Variants in LMO7 observed in about 807,000 individuals in gnomAD.
The protein encoded by LMO7 is LIM domain 7, also known as LIM domain only protein 7.
LMO7 carries 120 observed loss-of-function variants against 206.5 expected under a neutral mutation model. That is an observed-to-expected ratio of 0.58 (90% CI 0.50 to 0.68). The LOEUF is 0.68. Ranked by LOEUF, LMO7 falls within the 30% of genes least tolerant of loss-of-function variation. The pLI is 0.00. For synonymous variants in LMO7, 706 were observed against 681.5 expected (o/e 1.04, Z -0.56); for missense variants, 1,959 against 1,957.9 (o/e 1.00, Z -0.01).
intron 1 of LMO7, among the ~76,000 whole-genome samples, chr13:75,663,926 T>A (rs1385627034): frequency 1.3e-5 from 2 of 152,142 alleles, no homozygotes; most frequent in African/African-American, 4.8e-5. Flanking sequence ...TGTGTAATAA[T>A]CACATCAGGG....
At chr13:75,631,372 A>G (rs2034923838), upstream of LMO7, 2 of 152,192 alleles carry the variant, frequency 1.3e-5, no homozygotes, top group African/African-American at 4.8e-5. Flanking sequence ...GAGGAACCAT[A>G]ATTTACTCCA....
At chr13:75,856,463 T>G in intron 29 of LMO7, 43 bp from the exon 30 acceptor site, 66 of 1,249,726 alleles carry the variant, frequency 5.3e-5, no homozygotes, top group Non-Finnish European at 6.7e-5. Flanking sequence ...CAAGCTTTCT[T>G]GAGCTGACTG....
At chr13:75,780,577 T>C (rs1325070419) in intron 4 of LMO7, among the ~76,000 whole-genome samples, 2 of 152,144 alleles carry the variant, frequency 1.3e-5, no homozygotes, top group Non-Finnish European at 2.9e-5. Context: ...CTACAATTTG[T>C]GCAGATAACA....
At chr13:75,767,862 T>C (rs938563712) in intron 4 of LMO7, among the ~76,000 whole-genome samples, 1 of 152,076 alleles carries the variant, frequency 6.6e-6, no homozygotes, top group African/African-American at 2.4e-5. Context: ...AGATTACTTT[T>C]CCTCCCTGTA....
chr13:75,785,265 C>A (rs550169680), intron 4 of LMO7, among the ~76,000 whole-genome samples: 4 of 152,154 alleles, frequency 2.6e-5, no homozygotes, highest in Non-Finnish European at 1.5e-5. Flanking sequence ...TTTGTGATTA[C>A]CCTCATACTA....
rs112711441 is a variant in LMO7, at chr13:75,723,382, G to C, written c.141-3647G>C. On this transcript the variant is annotated intron_variant, in intron 2 of 30. Coordinates refer to ENST00000377534, the MANE Select transcript of LMO7 (RefSeq NM_001306080.2). The stretch of plus-strand genomic sequence containing the variant: ...TGACTAATAAATCACAGGTTAAAAA[G>C]TTCATTCAGTGTATTGATATGTTGT... 3.4e-3 allele frequency among the ~76,000 whole-genome samples: 513 copies of C among 152,022 alleles called. 4 individuals carry two copies. The highest frequency in any genetic ancestry group is 0.012 in the African/African-American group (491 of 41,438).
At position 75,819,653 on chromosome 13, in the gene LMO7, A is replaced by C. The variant is rs988889440; in HGVS notation, c.2207+118A>C. The C allele has an allele frequency of 5.9e-6, 6 of 1,020,122 alleles. No homozygotes were observed. In the African/African-American group the frequency reaches 8.2e-5, roughly 14 times the overall value. The allele number at this position is 1,020,122 out of a possible 1,614,324, so 63.2% of individuals were successfully genotyped here. On this transcript the variant is annotated intron_variant, in intron 13 of 30. Transcript: ENST00000377534. ...TCCACCAATATTCAACTTTAGTCAA[A>C]TATGCAAAGAAACGTTTAAGATTTT...
At chr13:75,639,310 C>G (rs1222935349) in intron 1 of LMO7, among the ~76,000 whole-genome samples, 2 of 152,126 alleles carry the variant, frequency 1.3e-5, no homozygotes, top group Non-Finnish European at 2.9e-5. Context: ...TACTTATATA[C>G]TTGAGTATAT....
chr13:75,782,716 C>T (rs1391256960), intron 4 of LMO7, among the ~76,000 whole-genome samples: 1 of 152,208 alleles, frequency 6.6e-6, no homozygotes, highest in South Asian at 2.1e-4. Context: ...TCTGTCTCTT[C>T]TAGGGATAGC....
At chr13:75,818,780 C>G (rs2057304912) in intron 12 of LMO7, among the ~76,000 whole-genome samples, 1 of 152,140 alleles carries the variant, frequency 6.6e-6, no homozygotes, top group Admixed American at 6.5e-5. Context: ...CCATGGTCTT[C>G]TTAGGACCCC....
intron 3 of LMO7, among the ~76,000 whole-genome samples, chr13:75,743,026 G>GA (rs1205781617): frequency 1.3e-5 from 2 of 151,546 alleles, no homozygotes; most frequent in Non-Finnish European, 3.0e-5. Flanking sequence ...AAATGTACAA[G>GA]AAAAAACAAC....
At chr13:75,647,316 C>G (rs2037118676) in intron 1 of LMO7, among the ~76,000 whole-genome samples, 1 of 152,146 alleles carries the variant, frequency 6.6e-6, no homozygotes, top group African/African-American at 2.4e-5. Flanking sequence ...ATGCTTCACT[C>G]AACAAGAGAT....
intron 11 of LMO7, 97 bp downstream of exon 11, chr13:75,809,280 G>T (rs2055979046): frequency 1.0e-6 from 1 of 990,168 alleles, no homozygotes. Flanking sequence ...AAATGGGGTT[G>T]TTGTGTGCTG....
intron 4 of LMO7, among the ~76,000 whole-genome samples, chr13:75,789,887 T>C (rs9600551): frequency 6.6e-6 from 1 of 152,084 alleles, no homozygotes; most frequent in African/African-American, 2.4e-5. Flanking sequence ...TAAATGAAGA[T>C]AGATTTTGGC....
intron 3 of LMO7, among the ~76,000 whole-genome samples, chr13:75,727,935 T>TC (rs2044651332): frequency 6.6e-6 from 1 of 152,070 alleles, no homozygotes; most frequent in Non-Finnish European, 1.5e-5. Flanking sequence ...TTCATCCATG[T>TC]CCCTACAAAG....
chr13:75,668,525 C>T (rs1351283799), intron 1 of LMO7, among the ~76,000 whole-genome samples: 1 of 152,174 alleles, frequency 6.6e-6, no homozygotes, highest in Non-Finnish European at 1.5e-5. Flanking sequence ...GAATTTTAGC[C>T]ACTTAACATG....
At chr13:75,694,439 GTGTT>G (rs2041749331) in intron 1 of LMO7, among the ~76,000 whole-genome samples, 1 of 151,926 alleles carries the variant, frequency 6.6e-6, no homozygotes, top group Non-Finnish European at 1.5e-5. Context: ...GTTTTGAGCA[GTGTT>G]TGTTTTTGTG....
chr13:75,794,136 G>A (rs185590100), intron 4 of LMO7, among the ~76,000 whole-genome samples: 29 of 152,220 alleles, frequency 1.9e-4, no homozygotes, highest in African/African-American at 6.7e-4. Flanking sequence ...ATAACTTTTT[G>A]TTAACATATA....
At chr13:75,776,641 A>G (rs139257995) in intron 4 of LMO7, among the ~76,000 whole-genome samples, 3 of 152,340 alleles carry the variant, frequency 2.0e-5, no homozygotes, top group Non-Finnish European at 4.4e-5. Flanking sequence ...AGTGTAAAAA[A>G]GTTATTAGCC....
Sources: allele counts gnomAD v4.1 joint callset (sites outside exome capture counted in the v4.1 genomes callset), GRCh38; gene constraint gnomAD v4.1.1; transcripts MANE v1.5; gene names NCBI Gene and HGNC (gene_info 2026-07-23, HGNC 2026-07-21).